The following ASTN2 variants were observed in gnomAD, a reference collection of about 807,000 sequenced individuals.
The protein encoded by ASTN2 is astrotactin-2.
A neutral mutation model predicts 139.8 loss-of-function variants in ASTN2; 54 were observed. The ratio of observed to expected loss-of-function variants is 0.39; its 90% confidence interval spans 0.31 to 0.48. ASTN2 has a LOEUF of 0.48. ASTN2 is among the 20% of genes least tolerant of loss of function. The pLI is 0.95. For synonymous variants in ASTN2, 756 were observed against 719.5 expected, an observed-to-expected ratio of 1.05 and a Z score of -0.81; for missense variants, 1,565 against 1,725.1, an observed-to-expected ratio of 0.91 and a Z score of 1.64.
chr9:117,246,648 A>T (rs925073151), intron 2 of ASTN2, among the ~76,000 whole-genome samples: 1 of 152,230 alleles, frequency 6.6e-6, no homozygotes, highest in African/African-American at 2.4e-5. Flanking sequence ...TCTGGGGAAG[A>T]GGACAGAGGT....
At chr9:117,325,994 G>A (rs1200627744) in intron 1 of ASTN2, among the ~76,000 whole-genome samples, 1 of 152,112 alleles carries the variant, frequency 6.6e-6, no homozygotes. Context: ...CCTGAGGGAG[G>A]GGTGGGGCAT....
intron 2 of ASTN2, among the ~76,000 whole-genome samples, chr9:117,261,281 G>A (rs984725719): frequency 6.6e-6 from 1 of 152,170 alleles, no homozygotes; most frequent in African/African-American, 2.4e-5. Context: ...CAAGTTGAGG[G>A]TGTGTAATTC....
chr9:116,520,904 G>A (rs957265850), intron 19 of ASTN2, among the ~76,000 whole-genome samples: 5 of 151,932 alleles, frequency 3.3e-5, no homozygotes, highest in Non-Finnish European at 7.4e-5. Context: ...TTTCACAATA[G>A]CTGCAAATAA....
intron 10 of ASTN2, among the ~76,000 whole-genome samples, chr9:116,913,096 G>T (rs1241575918): frequency 3.9e-5 from 6 of 152,086 alleles, no homozygotes; most frequent in African/African-American, 1.4e-4. Flanking sequence ...TAGAAACAGA[G>T]TTTCGCCATA....
chr9:116,792,183 T>C (rs764141101), intron 13 of ASTN2, among the ~76,000 whole-genome samples: 3 of 152,076 alleles, frequency 2.0e-5, no homozygotes, highest in Non-Finnish European at 2.9e-5. Flanking sequence ...AAAATAATAA[T>C]AATAAAGAAC....
At chr9:117,078,163 A>G (rs1170896731) in intron 5 of ASTN2, among the ~76,000 whole-genome samples, 5 of 152,232 alleles carry the variant, frequency 3.3e-5, no homozygotes, top group Non-Finnish European at 7.3e-5. Flanking sequence ...AGCTAAAAAT[A>G]TCCTGTAGAG....
intron 3 of ASTN2, among the ~76,000 whole-genome samples, chr9:117,208,338 G>A (rs80036607): frequency 0.013 from 1,926 of 151,710 alleles, 31 homozygotes; most frequent in East Asian, 0.082. Flanking sequence ...GGAACAAAGA[G>A]CTAAAGAATT....
At chr9:116,903,214 C>A (rs1588397692) in intron 10 of ASTN2, among the ~76,000 whole-genome samples, 2 of 152,184 alleles carry the variant, frequency 1.3e-5, no homozygotes, top group African/African-American at 4.8e-5. Flanking sequence ...TAAGCCCCTG[C>A]TGTAATTTTA....
chr9:116,590,064 C>T (rs1854316718), intron 19 of ASTN2, among the ~76,000 whole-genome samples: 1 of 152,212 alleles, frequency 6.6e-6, no homozygotes, highest in African/African-American at 2.4e-5. Flanking sequence ...TGCAAAGACA[C>T]CGGCTGCAGC....
At chr9:116,855,835 G>A (rs568266975) in intron 11 of ASTN2, among the ~76,000 whole-genome samples, 38 of 152,126 alleles carry the variant, frequency 2.5e-4, no homozygotes, top group Non-Finnish European at 5.0e-4. Flanking sequence ...GTAGCTGTGA[G>A]GATTTCCAGG....
chr9:117,241,386 T>C (rs904722107), intron 2 of ASTN2, among the ~76,000 whole-genome samples: 1 of 152,144 alleles, frequency 6.6e-6, no homozygotes, highest in Non-Finnish European at 1.5e-5. Context: ...TCTTCTGAAG[T>C]AGGAGGCCTA....
chr9:116,911,582 T>C (rs1834311157), intron 10 of ASTN2, among the ~76,000 whole-genome samples: 1 of 152,234 alleles, frequency 6.6e-6, no homozygotes, highest in South Asian at 2.1e-4. Context: ...TACAACTGTA[T>C]CATGGTAAAG....
chr9:116,622,608 C>T lies in ASTN2; in HGVS notation c.3073-2165G>A, dbSNP rs190250727. Reference sequence around the variant, plus strand: ...TAAATGGTGGAAACAGAATCCCAACCCAGATTTCTGTGACTCCCAAGGGCA... The same window carrying T: ...TAAATGGTGGAAACAGAATCCCAACTCAGATTTCTGTGACTCCCAAGGGCA... On this transcript the variant is annotated intron_variant, in intron 17 of 22. Transcript: ENST00000313400. Among the ~76,000 whole-genome samples the T allele has an allele frequency of 9.5e-3, 1,440 of 152,296 alleles. 28 individuals carry two copies. The highest frequency in any genetic ancestry group is 0.034 in the African/African-American group (1,397 of 41,554).
chr9:116,663,778 C>T (rs943557307), intron 16 of ASTN2, among the ~76,000 whole-genome samples: 1 of 152,166 alleles, frequency 6.6e-6, no homozygotes, highest in Non-Finnish European at 1.5e-5. Flanking sequence ...GATTTGCATA[C>T]ATTATGCCCT....
At chr9:116,436,402 C>A (rs1018635379) in intron 22 of ASTN2, among the ~76,000 whole-genome samples, 1 of 152,174 alleles carries the variant, frequency 6.6e-6, no homozygotes, top group Non-Finnish European at 1.5e-5. Flanking sequence ...CAGAACAAAT[C>A]TTTAGTCATC....
intron 2 of ASTN2, among the ~76,000 whole-genome samples, chr9:117,228,112 T>G (rs558610973): frequency 4.5e-4 from 68 of 152,238 alleles, no homozygotes; most frequent in African/African-American, 1.6e-3. Flanking sequence ...TGATCAACAA[T>G]AACAGGTGCC....
chr9:116,806,198 C>T (rs1243867977), intron 12 of ASTN2, among the ~76,000 whole-genome samples: 2 of 152,158 alleles, frequency 1.3e-5, no homozygotes, highest in African/African-American at 2.4e-5. Context: ...ATCTGTCAAC[C>T]AAGGTTGAAG....
chr9:116,517,797 C>G (rs1258219696), intron 19 of ASTN2, among the ~76,000 whole-genome samples: 1 of 151,994 alleles, frequency 6.6e-6, no homozygotes, highest in Non-Finnish European at 1.5e-5. Flanking sequence ...GTGAGATACA[C>G]AGCATAAATA....
In ASTN2 at chr9:117,291,371, C is replaced by T. The variant is rs780147935; in HGVS notation, c.585G>A (p.Ser195=). Residue 195 remains serine (S), a synonymous_variant, in exon 2 of 23, where the codon TCG becomes TCA. Transcript: ENST00000313400. ...TGTGCATCTGCTCCTCAACAATCTC[C>T]GAGGGCTCCTGGAGAGTGGGGGCGG... is the stretch of plus-strand genomic sequence containing the variant. ...QATAPTLQEP[S]EIVEEQMHIL... 41 of 1,614,072 alleles carry T rather than the reference C, an allele frequency of 2.5e-5. No homozygotes were observed. In the Admixed American group the frequency reaches 3.0e-4, roughly 12 times the overall value.
Sources: gnomAD v4.1 joint callset for allele counts (sites outside exome capture counted in the v4.1 genomes callset) on GRCh38, gnomAD v4.1.1 for gene constraint, MANE v1.5 for transcripts, NCBI Gene and HGNC (gene_info 2026-07-23, HGNC 2026-07-21) for gene names.